BBS9: variants seen among roughly 807,000 people sequenced by gnomAD.
BBS9 encodes Bardet-Biedl syndrome 9, also known as protein PTHB1.
Under a neutral mutation model 117.7 loss-of-function variants are expected in BBS9, and 89 were observed. That is an observed-to-expected ratio of 0.76 (90% CI 0.64 to 0.90). The LOEUF (loss-of-function observed/expected upper bound fraction) is 0.90, where lower values mean the gene tolerates loss of function less well. Ranked by LOEUF, BBS9 falls within the 40% of genes least tolerant of loss-of-function variation. The pLI is 0.00. For missense variants in BBS9, 982 were observed against 1,042.2 expected, an observed-to-expected ratio of 0.94 and a Z score of 0.80; for synonymous variants, 379 against 370.9, an observed-to-expected ratio of 1.02 and a Z score of -0.25.
chr7:33,374,462 A>C (rs978228218), intron 17 of BBS9, among the ~76,000 whole-genome samples: 14 of 152,198 alleles, frequency 9.2e-5, no homozygotes, highest in African/African-American at 3.4e-4. Context: ...TACTGTTAAT[A>C]TTTATTTTAA....
At chr7:33,251,110 G>T (rs1222299015) in intron 5 of BBS9, among the ~76,000 whole-genome samples, 1 of 152,150 alleles carries the variant, frequency 6.6e-6, no homozygotes, top group Admixed American at 6.6e-5. Context: ...AGTGACTTCA[G>T]TATCTACAGG....
intron 21 of BBS9, among the ~76,000 whole-genome samples, chr7:33,577,314 C>T (rs780812424): frequency 9.2e-5 from 14 of 152,240 alleles, no homozygotes; most frequent in Non-Finnish European, 1.8e-4. Context: ...CTCATCATCA[C>T]TGGTCATCAG....
intron 1 of BBS9, among the ~76,000 whole-genome samples, chr7:33,144,090 G>A (rs1791966949): frequency 6.6e-6 from 1 of 152,102 alleles, no homozygotes; most frequent in Non-Finnish European, 1.5e-5. Flanking sequence ...TTTTGTAAAT[G>A]AGAAAGCGAA....
chr7:33,267,760 CAAG>C (rs1393279253), intron 7 of BBS9, among the ~76,000 whole-genome samples: 1 of 152,238 alleles, frequency 6.6e-6, no homozygotes, highest in East Asian at 1.9e-4. Context: ...ATTTAAATGA[CAAG>C]AAAAATATGT....
At chr7:33,376,901 T>A (rs1824000042) in intron 17 of BBS9, among the ~76,000 whole-genome samples, 1 of 152,204 alleles carries the variant, frequency 6.6e-6, no homozygotes, top group African/African-American at 2.4e-5. Flanking sequence ...GTTGCTTTTT[T>A]TTTCTGGTAA....
chr7:33,569,557 C>T (rs917899840), intron 21 of BBS9, among the ~76,000 whole-genome samples: 1 of 151,462 alleles, frequency 6.6e-6, no homozygotes, highest in Non-Finnish European at 1.5e-5. Context: ...AGATCGAGAC[C>T]ATCCTGGCTA....
rs1241277472 is a variant in BBS9 at position 33,524,194 on chromosome 7, A to G, written c.2299-9760A>G. On this transcript the variant is annotated intron_variant, in intron 20 of 22. Coordinates refer to ENST00000242067, the MANE Select transcript of BBS9 (RefSeq NM_198428.3). The stretch of plus-strand genomic sequence containing the variant: ...TTTTGCATCAATGTTCATCAAGGAT[A>G]TTGGTCTAAAATTCTCTTTTTTGGT... Among the ~76,000 whole-genome samples, 474 of 148,598 alleles carry G rather than the reference A, an allele frequency of 3.2e-3. 3 individuals carry two copies. The highest frequency in any genetic ancestry group is 0.011 in the African/African-American group (451 of 40,176).
At chr7:33,428,863 G>A (rs925071037) in intron 19 of BBS9, among the ~76,000 whole-genome samples, 2 of 152,100 alleles carry the variant, frequency 1.3e-5, no homozygotes, top group African/African-American at 2.4e-5. Context: ...TGTGCTACTT[G>A]TTAGAAATTT....
intron 19 of BBS9, among the ~76,000 whole-genome samples, chr7:33,409,137 C>T (rs2392233): frequency 0.65 from 98,420 of 152,040 alleles, 32,779 homozygotes; most frequent in African/African-American, 0.81. Context: ...TTTCTATTGC[C>T]GTGCAGATGG....
intron 6 of BBS9, among the ~76,000 whole-genome samples, chr7:33,260,210 C>G (rs115266851): frequency 0.015 from 2,313 of 152,212 alleles, 67 homozygotes; most frequent in African/African-American, 0.053. Flanking sequence ...TTGTGTTGCC[C>G]GGGCTGGTTG....
intron 13 of BBS9, 33 bp downstream of exon 13, chr7:33,349,203 T>C (rs948923561): frequency 2.0e-6 from 3 of 1,488,160 alleles, no homozygotes; most frequent in Non-Finnish European, 1.9e-6. Flanking sequence ...AAGTCTACCA[T>C]GGTGTGAATT....
chr7:33,230,041 G>T (rs1792042700), intron 5 of BBS9, among the ~76,000 whole-genome samples: 1 of 152,010 alleles, frequency 6.6e-6, no homozygotes, highest in African/African-American at 2.4e-5. Flanking sequence ...ATACGTCTTG[G>T]CCATTTGTAT....
intron 5 of BBS9, among the ~76,000 whole-genome samples, chr7:33,207,252 A>C (rs1189832913): frequency 6.6e-6 from 1 of 152,190 alleles, no homozygotes; most frequent in Admixed American, 6.5e-5. Context: ...CCCATTAGCA[A>C]TTCTTGCCTG....
chr7:33,415,856 A>C (rs73314910), intron 19 of BBS9, among the ~76,000 whole-genome samples: 1 of 152,054 alleles, frequency 6.6e-6, no homozygotes, highest in African/African-American at 2.4e-5. Context: ...ATTTTTTGAG[A>C]TAGGGTCTCA....
intron 9 of BBS9, among the ~76,000 whole-genome samples, chr7:33,327,073 C>G (rs943955655): frequency 1.3e-5 from 2 of 152,104 alleles, no homozygotes; most frequent in African/African-American, 4.8e-5. Context: ...AATTGTGGTT[C>G]TTGTGGCCTA....
At chr7:33,378,351 A>G (rs1450379067) in intron 17 of BBS9, among the ~76,000 whole-genome samples, 1 of 152,214 alleles carries the variant, frequency 6.6e-6, no homozygotes, top group Non-Finnish European at 1.5e-5. Context: ...ATGCAGTGTT[A>G]CCTTGAGTCT....
chr7:33,483,836 C>T (rs1189273386), intron 19 of BBS9, among the ~76,000 whole-genome samples: 2 of 152,060 alleles, frequency 1.3e-5, no homozygotes, highest in Non-Finnish European at 2.9e-5. Context: ...TAGGGTCTTG[C>T]TTTGTTACCC....
intron 17 of BBS9, among the ~76,000 whole-genome samples, chr7:33,375,049 A>C (rs767228280): frequency 2.0e-5 from 3 of 152,192 alleles, no homozygotes; most frequent in Non-Finnish European, 4.4e-5. Flanking sequence ...TATGATACGA[A>C]TACAAGCATT....
chr7:33,531,032 G>T (rs1282361113), intron 20 of BBS9, among the ~76,000 whole-genome samples: 1 of 152,226 alleles, frequency 6.6e-6, no homozygotes, highest in East Asian at 1.9e-4. Flanking sequence ...ATCATCTGAG[G>T]TCAGGAGTTC....
Sources: gnomAD v4.1 joint callset for allele counts (sites outside exome capture counted in the v4.1 genomes callset) on GRCh38, gnomAD v4.1.1 for gene constraint, MANE v1.5 for transcripts, NCBI Gene and HGNC (gene_info 2026-07-23, HGNC 2026-07-21) for gene names.